The following ZFP36L1 variants were observed in gnomAD, a reference collection of about 807,000 sequenced individuals.
ZFP36L1 encodes ZFP36 like 1 zinc finger CCCH-type.
Under a neutral mutation model 16.7 loss-of-function variants are expected in ZFP36L1, and 4 were observed. The ratio of observed to expected loss-of-function variants is 0.24; its 90% CI spans 0.12 to 0.55. ZFP36L1 has a LOEUF of 0.55. Among genes scored for constraint, ZFP36L1 ranks in the 20% least tolerant of loss-of-function variants. The pLI is 0.94. For missense variants in ZFP36L1, 311 were observed against 449.2 expected, an observed-to-expected ratio of 0.69 and a Z score of 2.78; for synonymous variants, 220 against 190.8, an observed-to-expected ratio of 1.15 and a Z score of -1.26.
intron 1 of ZFP36L1, among the ~76,000 whole-genome samples, chr14:68,792,658 G>C (rs527512914): frequency 6.6e-6 from 1 of 152,162 alleles, no homozygotes; most frequent in African/African-American, 2.4e-5. Flanking sequence ...TCAAAACCCT[G>C]GCCTCCAGAT....
Position 68,789,731 on chromosome 14 carries a change from G to T in ZFP36L1, c.819C>A (p.Ser273=). 2 of 1,614,044 alleles carry T rather than the reference G, an allele frequency of 1.2e-6. 1 individual carries two copies. The highest frequency in any genetic ancestry group is 2.2e-5 in the South Asian group (2 of 91,080). Reference sequence around the variant, plus strand: ...TGGGCCGGAAGAGGAAGGTGGTCGGGGAGCCACCCCCGGGCAGCCCCATGC... The same window carrying T: ...TGGGCCGGAAGAGGAAGGTGGTCGGTGAGCCACCCCCGGGCAGCCCCATGC... ...APSMGLPGGG[S]PTTFLFRPMS... Residue 273 remains serine, a synonymous_variant, in exon 2 of 2, where the codon TCC becomes TCA. Transcript: ENST00000439696. This position sits in a 1 kb window ranked among gnomAD's most constrained non-coding sequence, Gnocchi z 4.5.
At chr14:68,794,102 T>C (rs1391599212), upstream of ZFP36L1, 1 of 250,168 alleles carries the variant, frequency 4.0e-6, no homozygotes. Context: ...CTCACTACTT[T>C]CCACGCGCGC....
At chr14:68,795,914 G>T, upstream of ZFP36L1, 1 of 1,039,292 alleles carries the variant, frequency 9.6e-7, no homozygotes. Context: ...ACCCGCCCTC[G>T]CCCAGACGTG....
In ZFP36L1 at chr14:68,789,916, C is replaced by T. The variant is rs1218426455; in HGVS notation, c.634G>A (p.Ala212Thr). Residue 212 changes from alanine to threonine, a missense_variant, in exon 2 of 2, where the codon GCC becomes ACC. Coordinates refer to ENST00000439696, the MANE Select transcript of ZFP36L1 (RefSeq NM_004926.4). This position sits in a 1 kb window ranked among gnomAD's most constrained non-coding sequence, Gnocchi z 4.5. ...FSFAGFPSAA[A>T]TAAATGLLDS... ...AGCAGCCCGGTGGCAGCGGCGGTGG[C>T]AGCGGCACTGGGAAACCCAGCAAAG... The T allele has an allele frequency of 6.2e-7, 1 of 1,609,680 alleles. No homozygotes were observed. The highest frequency in any genetic ancestry group is 8.5e-7 in the Non-Finnish European group (1 of 1,179,586).
chr14:68,792,787 T>C, intron 1 of ZFP36L1, 95 bp downstream of exon 1: 1 of 1,526,984 alleles, frequency 6.5e-7, no homozygotes, highest in Non-Finnish European at 9.0e-7. Flanking sequence ...TGCACCACTT[T>C]CCCCATTGCC....
At chr14:68,794,132 C>T (rs3809391), upstream of ZFP36L1, 2,256 of 162,440 alleles carry the variant, frequency 0.014, 32 homozygotes, top group South Asian at 0.068. Flanking sequence ...TGGGCGGCGC[C>T]ACAACCCTCC....
chr14:68,795,908 G>T (rs1174277659), upstream of ZFP36L1: 2 of 989,260 alleles, frequency 2.0e-6, no homozygotes, highest in Admixed American at 1.9e-5. Context: ...GAGCCGACCC[G>T]CCCTCGCCCA....
chr14:68,790,432 C>G lies in ZFP36L1; in HGVS notation c.118G>C (p.Ala40Pro). 5.6e-6 allele frequency: 9 copies of G among 1,614,052 alleles called. No individual in the cohort carries two copies. The highest frequency in any genetic ancestry group is 7.6e-6 in the Non-Finnish European group (9 of 1,179,976). Residue 40 changes from alanine (A) to proline (P), a missense_variant, in exon 2 of 2, where the codon GCA becomes CCA. Transcript: ENST00000439696. The stretch of plus-strand genomic sequence containing the variant: ...CCCCCACCAGCAGGGGTGCCCACTG[C>G]CTTTCTGTCCAGCAGGCAACCCCCT... ...SAGGCLLDRK[A>P]VGTPAGGGFP...
chr14:68,789,893 C>G lies in ZFP36L1; in HGVS notation c.657G>C (p.Leu219=), dbSNP rs1379146664. 1.2e-6 allele frequency: 2 copies of G among 1,610,246 alleles called. No homozygotes were observed. The highest frequency in any genetic ancestry group is 3.3e-5 in the Admixed American group (2 of 60,028). The change falls in exon 2 of 2, where the codon CTG becomes CTC. Residue 219 remains leucine, a synonymous_variant. Coordinates refer to ENST00000439696, the MANE Select transcript of ZFP36L1 (RefSeq NM_004926.4). This position sits in a 1 kb window ranked among gnomAD's most constrained non-coding sequence, Gnocchi z 4.5. Reference sequence around the variant, plus strand: ...GGGTGATGGACGTGGGGCTGTCCAGCAGCCCGGTGGCAGCGGCGGTGGCAG... The same window carrying G: ...GGGTGATGGACGTGGGGCTGTCCAGGAGCCCGGTGGCAGCGGCGGTGGCAG... ...SAAATAAATG[L]LDSPTSITPP...
At chr14:68,792,575 C>A (rs564795493) in intron 1 of ZFP36L1, among the ~76,000 whole-genome samples, 2 of 152,118 alleles carry the variant, frequency 1.3e-5, no homozygotes, top group Non-Finnish European at 2.9e-5. Flanking sequence ...AAAACAGGAT[C>A]GCCCAAAACT....
intron 1 of ZFP36L1, among the ~76,000 whole-genome samples, chr14:68,792,572 G>C (rs756538624): frequency 1.3e-5 from 2 of 152,168 alleles, no homozygotes; most frequent in South Asian, 2.1e-4. Flanking sequence ...CGTAAAACAG[G>C]ATCGCCCAAA....
rs34345886 is a variant in ZFP36L1 at position 68,788,973 on chromosome 14, C to T, written c.*560G>A. 7,508 of 150,942 alleles carry T rather than the reference C, an allele frequency of 0.05. 651 individuals are homozygous for T. The highest frequency in any genetic ancestry group is 0.17 in the African/African-American group (6,897 of 40,302). The allele number at this position is 150,942 out of a possible 1,614,324, so 9.4% of individuals were successfully genotyped here. A position where few individuals can be genotyped will look rare whatever the true frequency, so the allele number is the denominator to read the frequency against. On this transcript the variant is annotated 3_prime_UTR_variant, in exon 2 of 2. Transcript: ENST00000439696. ...GCGGGTACAGGTGGAGAGGTGCCACCGGGAAGAGGGGAGGAGGAATAAGTG... is the reference window on the plus strand; with the variant it reads ...GCGGGTACAGGTGGAGAGGTGCCACTGGGAAGAGGGGAGGAGGAATAAGTG...
At position 68,789,902 on chromosome 14, in the gene ZFP36L1, G is replaced by A; in HGVS notation, c.648C>T (p.Ala216=). ...GFPSAAATAA[A]TGLLDSPTSI... is the part of the protein sequence containing the mutation. Reference sequence around the variant, plus strand: ...ACGTGGGGCTGTCCAGCAGCCCGGTGGCAGCGGCGGTGGCAGCGGCACTGG... The same window carrying A: ...ACGTGGGGCTGTCCAGCAGCCCGGTAGCAGCGGCGGTGGCAGCGGCACTGG... The change falls in exon 2 of 2, where the codon GCC becomes GCT. Residue 216 remains alanine (A), a synonymous_variant. Coordinates refer to ENST00000439696, the MANE Select transcript of ZFP36L1 (RefSeq NM_004926.4). This position sits in a 1 kb window ranked among gnomAD's most constrained non-coding sequence, Gnocchi z 4.5. The A allele has an allele frequency of 6.2e-7, 1 of 1,609,366 alleles. No individual in the cohort carries two copies. The highest frequency in any genetic ancestry group is 8.5e-7 in the Non-Finnish European group (1 of 1,179,422).
Position 68,789,921 on chromosome 14 carries a change from G to A in ZFP36L1, c.629C>T (p.Ala210Val), listed in dbSNP as rs889842333. Reference sequence around the variant, plus strand: ...CCCGGTGGCAGCGGCGGTGGCAGCGGCACTGGGAAACCCAGCAAAGCTAAA... The same window carrying A: ...CCCGGTGGCAGCGGCGGTGGCAGCGACACTGGGAAACCCAGCAAAGCTAAA... ...HSFSFAGFPS[A>V]AATAAATGLL... is the part of the protein sequence containing the mutation. Residue 210 changes from alanine to valine, a missense_variant, in exon 2 of 2, where the codon GCC becomes GTC. Around this residue, in one of 4 missense-constraint regions of ZFP36L1, gnomAD observed 147 missense variants for 192.0 expected, o/e 0.77. Transcript: ENST00000439696. The surrounding 1 kb of genome is among the most constrained non-coding windows in gnomAD (Gnocchi z 4.5). 19 of 1,609,698 alleles carry A rather than the reference G, an allele frequency of 1.2e-5. No individual in the cohort carries two copies. Among genetic ancestry groups the A allele is most frequent in the Non-Finnish European group, 1.5e-5 (18 of 1,179,624 alleles).
At chr14:68,795,732 G>C (rs1317722662), upstream of ZFP36L1, 3 of 523,666 alleles carry the variant, frequency 5.7e-6, no homozygotes, top group Non-Finnish European at 1.2e-5. Flanking sequence ...CCAAGGGTTT[G>C]TTCCAGCTCC....
In ZFP36L1 at chr14:68,789,198, T is replaced by C. The variant is rs1362020296; in HGVS notation, c.*335A>G. The C allele has an allele frequency of 3.5e-6, 1 of 283,680 alleles. No individual in the cohort carries two copies. Among genetic ancestry groups the C allele is most frequent in the Non-Finnish European group, 6.7e-6 (1 of 148,634 alleles). The allele number at this position is 283,680 out of a possible 1,614,324, so 17.6% of individuals were successfully genotyped here. Reference sequence around the variant, plus strand: ...TTCTGTAAACTGTTACTGCTTTTTCTCTTGTGATTTGGCACTTAAGGCTTA... The same window carrying C: ...TTCTGTAAACTGTTACTGCTTTTTCCCTTGTGATTTGGCACTTAAGGCTTA... On this transcript the variant is annotated 3_prime_UTR_variant, in exon 2 of 2. Transcript: ENST00000439696. This position sits in a 1 kb window ranked among gnomAD's most constrained non-coding sequence, Gnocchi z 4.5.
chr14:68,796,064 C>T (rs748713974), upstream of ZFP36L1: 9 of 1,346,144 alleles, frequency 6.7e-6, no homozygotes, highest in African/African-American at 7.4e-5. Flanking sequence ...CCAGGCTGGC[C>T]GCCGCCTCAC....
In ZFP36L1 at chr14:68,789,463, G is replaced by A. The variant is rs1594716061; in HGVS notation, c.*70C>T. The A allele has an allele frequency of 1.9e-6, 3 of 1,601,366 alleles. No individual in the cohort carries two copies. In the East Asian group the frequency reaches 6.7e-5, roughly 36 times the overall value. ...GCCTGTGGGGAATGGGATGGGTAGG[G>A]AGAAGAGGGTATGGGATGTGGGTGC... On this transcript the variant is annotated 3_prime_UTR_variant, in exon 2 of 2. Transcript: ENST00000439696. The surrounding 1 kb of genome is among the most constrained non-coding windows in gnomAD (Gnocchi z 4.5).
At chr14:68,791,624 C>T (rs2140210650) in intron 1 of ZFP36L1, among the ~76,000 whole-genome samples, 1 of 150,026 alleles carries the variant, frequency 6.7e-6, no homozygotes, top group Non-Finnish European at 1.5e-5. Context: ...AGAGCTGGTT[C>T]CCAACAATGA....
Sources: allele counts gnomAD v4.1 joint callset (sites outside exome capture counted in the v4.1 genomes callset), GRCh38; gene constraint gnomAD v4.1.1; regional missense constraint gnomAD v4.1.1; non-coding constraint Gnocchi (gnomAD v3.1); transcripts MANE v1.5; gene names NCBI Gene and HGNC (gene_info 2026-07-23, HGNC 2026-07-21).